Variants in VAV3 observed in about 807,000 individuals in gnomAD.
VAV3 encodes vav guanine nucleotide exchange factor 3.
Under a neutral mutation model 131.2 loss-of-function variants are expected in VAV3, and 94 were observed. The ratio of observed to expected loss-of-function variants is 0.72; its 90% confidence interval spans 0.61 to 0.85. The LOEUF (loss-of-function observed/expected upper bound fraction) is 0.85, where lower values mean the gene tolerates loss of function less well. Ranked by LOEUF, VAV3 falls within the 40% of genes least tolerant of loss-of-function variation. The pLI is 0.00. For synonymous variants in VAV3, 349 were observed against 342.0 expected (o/e 1.02, Z -0.22); for missense variants, 939 against 1,002.7 (o/e 0.94, Z 0.86).
intron 21 of VAV3, among the ~76,000 whole-genome samples, chr1:107,616,140 G>T (rs1302934348): frequency 6.6e-6 from 1 of 152,038 alleles, no homozygotes; most frequent in Non-Finnish European, 1.5e-5. Context: ...ACAAATAAAG[G>T]TATGCATGCT....
intron 15 of VAV3, among the ~76,000 whole-genome samples, chr1:107,714,022 G>T (rs776424590): frequency 3.0e-4 from 46 of 152,040 alleles, no homozygotes; most frequent in Non-Finnish European, 4.3e-4. Context: ...GAGAAATTTC[G>T]AAAACAAAAA....
At chr1:107,731,405 GTTTCT>G (rs949704659) in intron 15 of VAV3, among the ~76,000 whole-genome samples, 1 of 152,060 alleles carries the variant, frequency 6.6e-6, no homozygotes, top group Non-Finnish European at 1.5e-5. Context: ...CCTAAATTAA[GTTTCT>G]TTTCATTTAT....
intron 2 of VAV3, among the ~76,000 whole-genome samples, chr1:107,823,602 T>C (rs1342202188): frequency 6.6e-6 from 1 of 151,990 alleles, no homozygotes; most frequent in Non-Finnish European, 1.5e-5. Flanking sequence ...GAATGGCCAG[T>C]GAGGTGGTAG....
chr1:107,694,368 C>T (rs542674647), intron 17 of VAV3, among the ~76,000 whole-genome samples: 17 of 152,252 alleles, frequency 1.1e-4, no homozygotes, highest in Non-Finnish European at 2.4e-4. Context: ...TCGACTGGAT[C>T]AGGCAGTAGA....
intron 2 of VAV3, among the ~76,000 whole-genome samples, chr1:107,796,175 T>G (rs1000987420): frequency 2.6e-5 from 4 of 152,074 alleles, no homozygotes; most frequent in Non-Finnish European, 5.9e-5. Context: ...GCAACCAGCA[T>G]GAGACTGCAC....
intron 2 of VAV3, among the ~76,000 whole-genome samples, chr1:107,841,139 A>G (rs527957958): frequency 6.2e-4 from 94 of 152,294 alleles, no homozygotes; most frequent in African/African-American, 2.1e-3. Flanking sequence ...AGTGAATGCC[A>G]TATGGTCTTA....
intron 15 of VAV3, among the ~76,000 whole-genome samples, chr1:107,736,772 A>C (rs1662665680): frequency 6.6e-6 from 1 of 152,128 alleles, no homozygotes; most frequent in Non-Finnish European, 1.5e-5. Flanking sequence ...AAAAATGGCC[A>C]TACTGCCCAA....
intron 25 of VAV3, among the ~76,000 whole-genome samples, chr1:107,582,794 T>G (rs552366641): frequency 1.0e-3 from 155 of 152,310 alleles, no homozygotes; most frequent in Non-Finnish European, 1.6e-3. Context: ...TGCCACATTT[T>G]CTTAATCCAG....
chr1:107,640,597 ATG>A (rs1655270638), intron 20 of VAV3, among the ~76,000 whole-genome samples: 1 of 152,174 alleles, frequency 6.6e-6, no homozygotes, highest in Non-Finnish European at 1.5e-5. Flanking sequence ...GTATGTACGT[ATG>A]TGTGTGTTCA....
intron 2 of VAV3, among the ~76,000 whole-genome samples, chr1:107,825,052 T>C (rs1488056190): frequency 6.6e-6 from 1 of 152,186 alleles, no homozygotes; most frequent in African/African-American, 2.4e-5. Context: ...AATAAAGTTT[T>C]ATTGGAACAA....
At chr1:107,692,032 T>C (rs554044913) in intron 17 of VAV3, among the ~76,000 whole-genome samples, 55 of 108,728 alleles carry the variant, frequency 5.1e-4, no homozygotes, top group African/African-American at 1.5e-3. Context: ...TGAAGTTCTA[T>C]TCAGACTAAA....
intron 12 of VAV3, among the ~76,000 whole-genome samples, chr1:107,753,484 G>A (rs867502271): frequency 0.25 from 22,448 of 89,994 alleles, 2,543 homozygotes; most frequent in Non-Finnish European, 0.29. Context: ...ATGTGTGTGT[G>A]TATATATATA....
chr1:107,761,127 C>A (rs991532347), intron 9 of VAV3, among the ~76,000 whole-genome samples: 2 of 152,142 alleles, frequency 1.3e-5, no homozygotes, highest in Non-Finnish European at 2.9e-5. Context: ...CGGTGGCTCA[C>A]GCCTGTAATC....
At chr1:107,729,697 GATGAGC>G (rs1662102276) in intron 15 of VAV3, among the ~76,000 whole-genome samples, 1 of 152,126 alleles carries the variant, frequency 6.6e-6, no homozygotes, top group Admixed American at 6.6e-5. Context: ...TATTTAACAA[GATGAGC>G]ATCCAAAGCA....
At chr1:107,660,443 T>C (rs935150542) in intron 19 of VAV3, among the ~76,000 whole-genome samples, 2 of 152,220 alleles carry the variant, frequency 1.3e-5, no homozygotes, top group African/African-American at 2.4e-5. Flanking sequence ...GCAGCTCCTA[T>C]AGACATCCAT....
At chr1:107,920,155 A>T (rs1672825789) in intron 1 of VAV3, among the ~76,000 whole-genome samples, 1 of 152,220 alleles carries the variant, frequency 6.6e-6, no homozygotes, top group Non-Finnish European at 1.5e-5. Flanking sequence ...AAGATCTATA[A>T]CTCACTGAGA....
chr1:107,938,525 G>A lies in VAV3; in HGVS notation c.204+26141C>T, dbSNP rs1191687029. Among the ~76,000 whole-genome samples the A allele has an allele frequency of 3.9e-5, 6 of 152,298 alleles. No individual in the cohort carries two copies. In the East Asian group the frequency reaches 9.7e-4, roughly 25 times the overall value. ...AGGGGCAGAAATGGAAGAGGAAGCA[G>A]GCATGGAGGGAAGAGCTTGCAGCCT... On this transcript the variant is annotated intron_variant, in intron 1 of 26. Transcript: ENST00000370056.
chr1:107,724,360 T>C (rs1156702574), intron 15 of VAV3, among the ~76,000 whole-genome samples: 1 of 151,912 alleles, frequency 6.6e-6, no homozygotes, highest in Non-Finnish European at 1.5e-5. Context: ...TTCTCTGAAG[T>C]TATATGGCAC....
At chr1:107,888,516 T>C (rs760133794) in intron 1 of VAV3, among the ~76,000 whole-genome samples, 14 of 152,174 alleles carry the variant, frequency 9.2e-5, no homozygotes, top group Non-Finnish European at 2.1e-4. Flanking sequence ...TGGAGTACAA[T>C]GGTGCAATCT....
Sources: gnomAD v4.1 joint callset for allele counts (sites outside exome capture counted in the v4.1 genomes callset) on GRCh38, gnomAD v4.1.1 for gene constraint, MANE v1.5 for transcripts, NCBI Gene and HGNC (gene_info 2026-07-23, HGNC 2026-07-21) for gene names.